MB21D2: variants seen among roughly 807,000 people sequenced by gnomAD.
MB21D2 encodes the protein Mab-21 domain containing 2, also known as nucleotidyltransferase MB21D2.
A neutral mutation model predicts 33.3 loss-of-function variants in MB21D2; 9 were observed. That is an observed-to-expected ratio of 0.27 (90% CI 0.16 to 0.47). MB21D2 has a LOEUF of 0.47. MB21D2 is among the 20% of genes least tolerant of loss of function. The pLI is 0.99. For missense variants in MB21D2, 540 were observed against 624.6 expected, an observed-to-expected ratio of 0.86 and a Z score of 1.44; for synonymous variants, 241 against 236.3, an observed-to-expected ratio of 1.02 and a Z score of -0.18.
At chr3:192,853,124 T>C (rs1301382355) in intron 1 of MB21D2, among the ~76,000 whole-genome samples, 1 of 152,118 alleles carries the variant, frequency 6.6e-6, no homozygotes, top group East Asian at 1.9e-4. Context: ...ATCTTCCATA[T>C]AGTCCCAGCA....
chr3:192,911,048 C>T (rs1387762541), intron 1 of MB21D2, among the ~76,000 whole-genome samples: 1 of 152,184 alleles, frequency 6.6e-6, no homozygotes, highest in Non-Finnish European at 1.5e-5. Context: ...CCCAACGTCA[C>T]ACAGCAAATG....
rs573134044 is a variant in MB21D2 at position 192,906,314 on chromosome 3, T to C, written c.211+11316A>G. 1.1e-3 allele frequency among the ~76,000 whole-genome samples: 160 copies of C among 152,266 alleles called. 1 individual carries two copies. The highest frequency in any genetic ancestry group is 3.5e-3 in the Admixed American group (53 of 15,294). ...TAACAGGAGTCTAGCAAAAGTGTGG[T>C]CCCACCTGGAAAACCTTTACCCACA... On this transcript the variant is annotated intron_variant, in intron 1 of 1. Transcript: ENST00000392452.
intron 1 of MB21D2, among the ~76,000 whole-genome samples, chr3:192,823,419 C>T (rs1039916307): frequency 1.3e-5 from 2 of 152,008 alleles, no homozygotes; most frequent in African/African-American, 2.4e-5. Flanking sequence ...TTTGGGAGGC[C>T]GAGGCAGGTG....
intron 1 of MB21D2, among the ~76,000 whole-genome samples, chr3:192,899,135 G>C (rs1285472487): frequency 6.6e-6 from 1 of 152,182 alleles, no homozygotes; most frequent in Non-Finnish European, 1.5e-5. Context: ...TCTCATAGCA[G>C]GCATACAAGA....
chr3:192,819,135 A>G lies in MB21D2; in HGVS notation c.212-19485T>C, dbSNP rs535875515. 7.9e-5 allele frequency among the ~76,000 whole-genome samples: 12 copies of G among 152,312 alleles called. No individual in the cohort carries two copies. In the South Asian group the frequency reaches 2.3e-3, roughly 29 times the overall value. On this transcript the variant is annotated intron_variant, in intron 1 of 1. Transcript: ENST00000392452. ...ATGCTAGATCCCAGGGCTCCTGAAG[A>G]GGGAGAGGCCATCCGGGGGCAAAAG...
At chr3:192,838,259 TGATCCAAGA>T (rs1389805922) in intron 1 of MB21D2, among the ~76,000 whole-genome samples, 1 of 152,180 alleles carries the variant, frequency 6.6e-6, no homozygotes, top group Non-Finnish European at 1.5e-5. Flanking sequence ...CTACAGGAAG[TGATCCAAGA>T]GAGAGCAAGG....
chr3:192,835,220 T>G (rs1308786462), intron 1 of MB21D2, among the ~76,000 whole-genome samples: 1 of 147,902 alleles, frequency 6.8e-6, no homozygotes. Flanking sequence ...TTTGGGAGGC[T>G]GAGGCGGGCA....
intron 1 of MB21D2, among the ~76,000 whole-genome samples, chr3:192,901,628 A>C (rs1027606140): frequency 6.6e-6 from 1 of 152,164 alleles, no homozygotes; most frequent in African/African-American, 2.4e-5. Flanking sequence ...GCCCTCGGAA[A>C]GCAGGAAAGC....
At chr3:192,860,831 T>G (rs771789171) in intron 1 of MB21D2, among the ~76,000 whole-genome samples, 1 of 152,190 alleles carries the variant, frequency 6.6e-6, no homozygotes, top group African/African-American at 2.4e-5. Context: ...ACCCAATCAG[T>G]ATTTTAGTGA....
At chr3:192,805,885 AAC>A (rs1577166952) in intron 1 of MB21D2, among the ~76,000 whole-genome samples, 2 of 152,388 alleles carry the variant, frequency 1.3e-5, no homozygotes, top group South Asian at 2.1e-4. Context: ...AGAGCAAATA[AAC>A]ACAGATTCCA....
At chr3:192,899,919 G>A (rs1379244801) in intron 1 of MB21D2, among the ~76,000 whole-genome samples, 2 of 148,678 alleles carry the variant, frequency 1.3e-5, no homozygotes, top group Admixed American at 1.3e-4. Context: ...CATCCAAGTA[G>A]AATTGTCAAA....
At chr3:192,839,179 AT>A (rs918645529) in intron 1 of MB21D2, among the ~76,000 whole-genome samples, 6 of 152,202 alleles carry the variant, frequency 3.9e-5, no homozygotes, top group African/African-American at 1.4e-4. Flanking sequence ...AATATTAACA[AT>A]TACAATTACT....
chr3:192,805,979 A>G (rs1219870426), intron 1 of MB21D2, among the ~76,000 whole-genome samples: 1 of 152,230 alleles, frequency 6.6e-6, no homozygotes, highest in African/African-American at 2.4e-5. Flanking sequence ...AACATGTTAG[A>G]TGAAGGGAAA....
chr3:192,896,239 T>C (rs186786207), intron 1 of MB21D2, among the ~76,000 whole-genome samples: 2 of 152,214 alleles, frequency 1.3e-5, no homozygotes, highest in East Asian at 1.9e-4. Context: ...TCAGAAAGGA[T>C]AGTTTGCCCA....
chr3:192,904,950 G>A (rs1350301500), intron 1 of MB21D2, among the ~76,000 whole-genome samples: 3 of 152,182 alleles, frequency 2.0e-5, no homozygotes, highest in East Asian at 1.9e-4. Flanking sequence ...TAATGAGCCC[G>A]CAGGCACCAT....
chr3:192,876,645 C>T (rs1021696852), intron 1 of MB21D2, among the ~76,000 whole-genome samples: 2 of 152,174 alleles, frequency 1.3e-5, no homozygotes, highest in Non-Finnish European at 2.9e-5. Context: ...TATGATCTAG[C>T]CCCTGTTCCC....
intron 1 of MB21D2, among the ~76,000 whole-genome samples, chr3:192,844,825 T>C (rs1485341129): frequency 6.6e-6 from 1 of 152,196 alleles, no homozygotes; most frequent in Non-Finnish European, 1.5e-5. Context: ...GTATTTTGCC[T>C]GAAAAAGAGA....
At chr3:192,880,172 G>A (rs1003995234) in intron 1 of MB21D2, among the ~76,000 whole-genome samples, 21 of 151,876 alleles carry the variant, frequency 1.4e-4, no homozygotes, top group African/African-American at 3.9e-4. Context: ...GTGAAACCCT[G>A]TCTCTACTAA....
At chr3:192,897,473 G>A (rs184857598) in intron 1 of MB21D2, among the ~76,000 whole-genome samples, 26 of 152,266 alleles carry the variant, frequency 1.7e-4, no homozygotes, top group African/African-American at 5.1e-4. Context: ...GTGACAAACT[G>A]AAGAAAATGT....
Sources: gnomAD v4.1 joint callset for allele counts (sites outside exome capture counted in the v4.1 genomes callset) on GRCh38, gnomAD v4.1.1 for gene constraint, MANE v1.5 for transcripts, NCBI Gene and HGNC (gene_info 2026-07-23, HGNC 2026-07-21) for gene names.